SYNPR: variants seen among roughly 807,000 people sequenced by gnomAD.
SYNPR encodes synaptoporin.
In SYNPR, 23 loss-of-function variants were observed where a neutral mutation model predicts 32.9. The observed-to-expected ratio is 0.70, with a 90% CI of 0.50 to 0.99. The LOEUF (loss-of-function observed/expected upper bound fraction) is 0.99, where lower values mean the gene tolerates loss of function less well. Among genes scored for constraint, SYNPR ranks in the 50% least tolerant of loss-of-function variants. The pLI, the probability that SYNPR is intolerant of heterozygous loss-of-function variation, is 0.00. For synonymous variants in SYNPR, 146 were observed against 135.9 expected (o/e 1.07, Z -0.52); for missense variants, 318 against 349.3 (o/e 0.91, Z 0.71).
chr3:63,432,123 A>T (rs749042760), intron 2 of SYNPR, among the ~76,000 whole-genome samples: 1 of 152,178 alleles, frequency 6.6e-6, no homozygotes, highest in Non-Finnish European at 1.5e-5. Context: ...AAGCATGTTC[A>T]CACTATCTTC....
chr3:63,581,317 T>C (rs1289900349), intron 4 of SYNPR, among the ~76,000 whole-genome samples: 2 of 134,224 alleles, frequency 1.5e-5, no homozygotes, highest in Non-Finnish European at 3.3e-5. Flanking sequence ...GGAGGTTGTA[T>C]GTTGGGGACA....
intron 2 of SYNPR, among the ~76,000 whole-genome samples, chr3:63,311,646 G>A (rs1027047137): frequency 1.3e-5 from 2 of 151,966 alleles, no homozygotes; most frequent in African/African-American, 2.4e-5. Context: ...GTGCCAAAAC[G>A]GTTGGGGACC....
intron 4 of SYNPR, among the ~76,000 whole-genome samples, chr3:63,578,732 A>G (rs905884776): frequency 4.6e-5 from 7 of 152,294 alleles, no homozygotes; most frequent in Admixed American, 3.9e-4. Context: ...TATAATTTTA[A>G]CAAGGTAAAT....
chr3:63,459,976 A>G (rs1350491118), intron 2 of SYNPR, among the ~76,000 whole-genome samples: 2 of 151,870 alleles, frequency 1.3e-5, no homozygotes, highest in East Asian at 1.9e-4. Flanking sequence ...ACTTCTCTTC[A>G]TCTCCACTCT....
intron 2 of SYNPR, among the ~76,000 whole-genome samples, chr3:63,397,103 C>CAAAAA (rs10601486): frequency 1.0e-5 from 1 of 99,220 alleles, no homozygotes; most frequent in Non-Finnish European, 2.0e-5. Context: ...GACTCCGTCT[C>CAAAAA]AAAAAAAAAA....
intron 2 of SYNPR, among the ~76,000 whole-genome samples, chr3:63,335,999 C>T (rs530018494): frequency 1.3e-5 from 2 of 152,192 alleles, no homozygotes; most frequent in South Asian, 4.1e-4. Flanking sequence ...TGGCCTTGAA[C>T]TCCTAACCTC....
At chr3:63,261,103 T>G (rs1468343651) in intron 2 of SYNPR, among the ~76,000 whole-genome samples, 1 of 152,036 alleles carries the variant, frequency 6.6e-6, no homozygotes, top group Non-Finnish European at 1.5e-5. Context: ...TAGGAACACT[T>G]TTACACTGTT....
the SYNPR span, among the ~76,000 whole-genome samples, chr3:63,217,736 G>T: frequency 6.6e-6 from 1 of 152,086 alleles, no homozygotes; most frequent in Non-Finnish European, 1.5e-5. Flanking sequence ...CTTTAGTTGG[G>T]GATTTATGAG....
chr3:63,253,705 T>G (rs1257063588), intron 2 of SYNPR, among the ~76,000 whole-genome samples: 1 of 152,144 alleles, frequency 6.6e-6, no homozygotes, highest in Non-Finnish European at 1.5e-5. Context: ...AAGAACACTT[T>G]TACACTGTTG....
chr3:63,259,650 T>C (rs1466413763), intron 2 of SYNPR, among the ~76,000 whole-genome samples: 2 of 152,192 alleles, frequency 1.3e-5, no homozygotes, highest in Non-Finnish European at 2.9e-5. Flanking sequence ...AGAATTCCCT[T>C]TGAAAACTGG....
chr3:63,461,610 C>T (rs576916642), intron 2 of SYNPR, among the ~76,000 whole-genome samples: 2 of 152,082 alleles, frequency 1.3e-5, no homozygotes, highest in East Asian at 2.0e-4. Flanking sequence ...ATCTAGGTCC[C>T]TCCAAGTTCT....
chr3:63,372,014 C>T (rs1040628010), intron 2 of SYNPR, among the ~76,000 whole-genome samples: 7 of 152,064 alleles, frequency 4.6e-5, no homozygotes, highest in African/African-American at 1.4e-4. Context: ...CCAGACTGAG[C>T]CCCCGGCTTG....
At chr3:63,441,294 G>T (rs1700166131) in intron 2 of SYNPR, among the ~76,000 whole-genome samples, 1 of 152,210 alleles carries the variant, frequency 6.6e-6, no homozygotes, top group South Asian at 2.1e-4. Context: ...TTATTATGTA[G>T]AAGACAGAAC....
intron 2 of SYNPR, among the ~76,000 whole-genome samples, chr3:63,319,835 A>T (rs2087088953): frequency 6.6e-6 from 1 of 152,026 alleles, no homozygotes; most frequent in Non-Finnish European, 1.5e-5. Context: ...GTACTATATC[A>T]TGTTGTTGTA....
intron 2 of SYNPR, among the ~76,000 whole-genome samples, chr3:63,437,824 C>T (rs940317777): frequency 1.3e-5 from 2 of 152,164 alleles, no homozygotes; most frequent in Admixed American, 6.5e-5. Context: ...AGTCTCCTCT[C>T]ACCCTCTAAT....
At chr3:63,609,959 G>T (rs1700176291) in intron 5 of SYNPR, among the ~76,000 whole-genome samples, 1 of 152,056 alleles carries the variant, frequency 6.6e-6, no homozygotes. Context: ...TCAGACAAAA[G>T]TTAAAAGGAA....
intron 2 of SYNPR, among the ~76,000 whole-genome samples, chr3:63,461,064 G>C (rs1700575877): frequency 6.6e-6 from 1 of 151,894 alleles, no homozygotes; most frequent in Non-Finnish European, 1.5e-5. Flanking sequence ...ACTTTGGGAG[G>C]TACCATGGGC....
At chr3:63,614,139 C>A (rs915480423) in intron 5 of SYNPR, among the ~76,000 whole-genome samples, 1 of 152,190 alleles carries the variant, frequency 6.6e-6, no homozygotes, top group Non-Finnish European at 1.5e-5. Flanking sequence ...GGACCGTGGC[C>A]ACTGCCCAAG....
At chr3:63,319,850 T>C (rs562092047) in intron 2 of SYNPR, among the ~76,000 whole-genome samples, 5 of 152,212 alleles carry the variant, frequency 3.3e-5, no homozygotes, top group Admixed American at 1.3e-4. Context: ...GTTGTATTGT[T>C]CTTTATTTAA....
Sources: allele counts gnomAD v4.1 joint callset (sites outside exome capture counted in the v4.1 genomes callset), GRCh38; gene constraint gnomAD v4.1.1; transcripts MANE v1.5; gene names NCBI Gene and HGNC (gene_info 2026-07-23, HGNC 2026-07-21).